Variants in IL1RAPL2 observed in about 807,000 individuals in gnomAD.
IL1RAPL2 encodes interleukin 1 receptor accessory protein like 2.
In IL1RAPL2, 3 loss-of-function variants were observed where a neutral mutation model predicts 44.1. That is an observed-to-expected ratio of 0.07 (90% CI 0.03 to 0.18). The LOEUF is 0.18. IL1RAPL2 is among the 10% of genes least tolerant of loss of function. The pLI is 1.00. For synonymous variants in IL1RAPL2, 181 were observed against 178.8 expected (o/e 1.01, Z -0.10); for missense variants, 391 against 496.4 (o/e 0.79, Z 2.02).
intron 5 of IL1RAPL2, among the ~76,000 whole-genome samples, chrX:105,296,299 C>G (rs192565895): frequency 1.8e-5 from 2 of 111,417 alleles, no homozygotes; most frequent in African/African-American, 3.3e-5. Flanking sequence ...CCTTGTCATC[C>G]TTTAAGGCCA....
chrX:105,264,995 A>T (rs768646500), intron 4 of IL1RAPL2, among the ~76,000 whole-genome samples: 39 of 112,471 alleles, frequency 3.5e-4, no homozygotes, highest in Non-Finnish European at 7.1e-4. Context: ...CCCAAAGAAC[A>T]TATAAAGATT....
At chrX:104,803,759 A>G (rs1032713967) in intron 2 of IL1RAPL2, among the ~76,000 whole-genome samples, 23 of 112,513 alleles carry the variant, frequency 2.0e-4, no homozygotes, top group African/African-American at 6.1e-4. Context: ...TTGTTAGACA[A>G]CTTTGGGGAT....
chrX:104,608,571 C>T (rs1270962118), intron 1 of IL1RAPL2, among the ~76,000 whole-genome samples: 1 of 110,019 alleles, frequency 9.1e-6, no homozygotes, highest in East Asian at 2.8e-4. Context: ...TTGAATTGAT[C>T]CCTTTACCAT....
intron 5 of IL1RAPL2, among the ~76,000 whole-genome samples, chrX:105,414,580 G>T (rs1270331800): frequency 2.7e-5 from 3 of 111,513 alleles, no homozygotes; most frequent in Non-Finnish European, 5.6e-5. Flanking sequence ...CCATTCTAGT[G>T]GGCCAAGCTT....
intron 2 of IL1RAPL2, among the ~76,000 whole-genome samples, chrX:105,153,712 C>T (rs1055539047): frequency 9.0e-6 from 1 of 111,538 alleles, no homozygotes; most frequent in Non-Finnish European, 1.9e-5. Flanking sequence ...GCAGGGGCTT[C>T]CAGGTCATAG....
At position 105,355,879 on chromosome X, in the gene IL1RAPL2, G is replaced by C. The variant is rs149463103; in HGVS notation, c.697+88338G>C. Among the ~76,000 whole-genome samples, 692 of 110,600 alleles carry C rather than the reference G, an allele frequency of 6.3e-3. 4 individuals are homozygous for C. Among genetic ancestry groups the C allele is most frequent in the African/African-American group, 0.022 (679 of 30,410 alleles). The stretch of plus-strand genomic sequence containing the variant: ...TACAGGGTCGCGGGTAAGAATTAGA[G>C]TGCATATTTGTAATAAACATAGAAT... On this transcript the variant is annotated intron_variant, in intron 5 of 10. Transcript: ENST00000372582.
At chrX:105,414,090 A>G (rs1211077737) in intron 5 of IL1RAPL2, among the ~76,000 whole-genome samples, 8 of 111,792 alleles carry the variant, frequency 7.2e-5, no homozygotes, top group African/African-American at 9.8e-5. Flanking sequence ...TTGTATTTCT[A>G]TTACACAGTG....
At chrX:104,687,337 C>T (rs977450247) in intron 2 of IL1RAPL2, among the ~76,000 whole-genome samples, 9 of 111,801 alleles carry the variant, frequency 8.1e-5, no homozygotes, top group South Asian at 3.8e-4. Flanking sequence ...GGAGTTGGCA[C>T]GTGCACATCA....
chrX:105,496,005 T>C (rs1446374828), intron 6 of IL1RAPL2, among the ~76,000 whole-genome samples: 2 of 111,754 alleles, frequency 1.8e-5, no homozygotes, highest in Non-Finnish European at 3.8e-5. Context: ...ATAAGAAACA[T>C]ATACAATCTA....
intron 2 of IL1RAPL2, among the ~76,000 whole-genome samples, chrX:105,004,814 C>T (rs968713350): frequency 9.0e-6 from 1 of 110,780 alleles, no homozygotes; most frequent in African/African-American, 3.3e-5. Context: ...GTTCACCATA[C>T]CCCTCTTTTA....
At chrX:105,057,331 G>C (rs2032007233) in intron 2 of IL1RAPL2, among the ~76,000 whole-genome samples, 1 of 111,667 alleles carries the variant, frequency 9.0e-6, no homozygotes, top group African/African-American at 3.3e-5. Flanking sequence ...GGATTTTATT[G>C]TTATGTTTAG....
intron 5 of IL1RAPL2, chrX:105,405,977 T>A (rs1264748290): frequency 8.3e-7 from 1 of 1,200,686 alleles, no homozygotes; most frequent in African/African-American, 1.8e-5. Flanking sequence ...CTCAGACAGA[T>A]TCTAAGCCTC....
chrX:105,556,248 T>G (rs1161540105), intron 6 of IL1RAPL2, among the ~76,000 whole-genome samples: 1 of 111,936 alleles, frequency 8.9e-6, no homozygotes, highest in Non-Finnish European at 1.9e-5. Context: ...GTAAGGCTTT[T>G]GATGCATACT....
chrX:104,786,056 A>G (rs1357376138), intron 2 of IL1RAPL2, among the ~76,000 whole-genome samples: 2 of 112,506 alleles, frequency 1.8e-5, no homozygotes, highest in East Asian at 5.6e-4. Flanking sequence ...TTCTTAAAGA[A>G]ATACTTTTAG....
intron 6 of IL1RAPL2, among the ~76,000 whole-genome samples, chrX:105,589,696 A>G (rs1156718458): frequency 1.8e-5 from 2 of 110,408 alleles, no homozygotes; most frequent in Non-Finnish European, 3.8e-5. Context: ...GTAGGTATGC[A>G]GCTTTATTTC....
chrX:104,992,694 G>C (rs2030684335), intron 2 of IL1RAPL2, among the ~76,000 whole-genome samples: 1 of 110,237 alleles, frequency 9.1e-6, no homozygotes, highest in African/African-American at 3.3e-5. Flanking sequence ...GTTTCTCTTT[G>C]GGCCCTATCT....
At chrX:104,937,720 A>G (rs1372832923) in intron 2 of IL1RAPL2, among the ~76,000 whole-genome samples, 1 of 112,246 alleles carries the variant, frequency 8.9e-6, no homozygotes. Flanking sequence ...AGAAATTGTC[A>G]ACACAGAATT....
At chrX:105,328,178 T>A (rs1432604429) in intron 5 of IL1RAPL2, among the ~76,000 whole-genome samples, 3 of 112,115 alleles carry the variant, frequency 2.7e-5, no homozygotes, top group Non-Finnish European at 5.6e-5. Flanking sequence ...AGATAGTATA[T>A]CTGATCCCTT....
chrX:104,639,850 C>T (rs1250332137), intron 1 of IL1RAPL2, among the ~76,000 whole-genome samples: 1 of 111,768 alleles, frequency 8.9e-6, no homozygotes, highest in Non-Finnish European at 1.9e-5. Context: ...TAAATCTGCT[C>T]TTAGTCTAAT....
Sources: allele counts gnomAD v4.1 joint callset (sites outside exome capture counted in the v4.1 genomes callset), GRCh38; gene constraint gnomAD v4.1.1; transcripts MANE v1.5; gene names NCBI Gene and HGNC (gene_info 2026-07-23, HGNC 2026-07-21).